The following KPNA1 variants were observed in gnomAD, a reference collection of about 807,000 sequenced individuals.
The protein encoded by KPNA1 is importin subunit alpha-5.
In KPNA1, 10 loss-of-function variants were observed where a neutral mutation model predicts 70.5. The observed-to-expected ratio is 0.14, with a 90% CI of 0.09 to 0.24. The LOEUF (loss-of-function observed/expected upper bound fraction) is 0.24, where lower values mean the gene tolerates loss of function less well. Ranked by LOEUF, KPNA1 falls within the 10% of genes least tolerant of loss-of-function variation. The probability of loss-of-function intolerance (pLI) is 1.00; values close to 1 mark genes in which losing one functional copy is unlikely to be tolerated. For missense variants in KPNA1, 397 were observed against 637.9 expected (o/e 0.62, Z 4.07); for synonymous variants, 192 against 221.9 (o/e 0.87, Z 1.20).
rs949774975 is a variant in KPNA1, at chr3:122,514,761, C to G, written c.-10G>C. 1 of 152,480 alleles carries G rather than the reference C, an allele frequency of 6.6e-6. No individual in the cohort carries two copies. Among genetic ancestry groups the G allele is most frequent in the Non-Finnish European group, 1.5e-5 (1 of 68,374 alleles). The allele number at this position is 152,480 out of a possible 1,614,324, so 9.4% of individuals were successfully genotyped here. A position where few individuals can be genotyped will look rare whatever the true frequency, so the allele number is the denominator to read the frequency against. ...CCGCAAGGCCCCAGCACTCACCAGG[C>G]TCAAGGCAACCGATCCCGGTGCCAC... On this transcript the variant is annotated 5_prime_UTR_variant, in exon 1 of 14. Transcript: ENST00000344337.
intron 2 of KPNA1, among the ~76,000 whole-genome samples, 153 bp from the exon 3 acceptor site, chr3:122,467,582 C>G (rs190187918): frequency 1.3e-5 from 2 of 152,162 alleles, no homozygotes; most frequent in African/African-American, 4.8e-5. Context: ...GTAACCATTT[C>G]AGATTTCTCC....
chr3:122,500,442 T>C (rs925411500), intron 1 of KPNA1, among the ~76,000 whole-genome samples: 2 of 152,032 alleles, frequency 1.3e-5, no homozygotes, highest in African/African-American at 4.8e-5. Context: ...ACAGTATTTC[T>C]TTATAACCTT....
At chr3:122,478,520 A>T (rs28653130) in intron 2 of KPNA1, among the ~76,000 whole-genome samples, 1 of 151,314 alleles carries the variant, frequency 6.6e-6, no homozygotes, top group East Asian at 1.9e-4. Context: ...GGAGTTCAAG[A>T]CCACCAGCCT....
At chr3:122,443,736 G>T (rs2076097014) in intron 9 of KPNA1, among the ~76,000 whole-genome samples, 1 of 152,134 alleles carries the variant, frequency 6.6e-6, no homozygotes, top group Non-Finnish European at 1.5e-5. Flanking sequence ...TTTCAAAGGG[G>T]AGGGAGTGTA....
At chr3:122,478,567 C>T (rs994404208) in intron 2 of KPNA1, among the ~76,000 whole-genome samples, 2 of 151,834 alleles carry the variant, frequency 1.3e-5, no homozygotes. Flanking sequence ...ACTAAAAATA[C>T]AAAAATTAGC....
chr3:122,421,963 G>GTAT lies in KPNA1; in HGVS notation c.*5019_*5021dup, dbSNP rs1483495927. 1 of 152,178 alleles carries GTAT rather than the reference G, an allele frequency of 6.6e-6. No individual in the cohort carries two copies. The highest frequency in any genetic ancestry group is 1.5e-5 in the Non-Finnish European group (1 of 68,042). The allele number at this position is 152,178 out of a possible 1,614,324, so 9.4% of individuals were successfully genotyped here. ...AGATGCATGCATATTCCTTCATTTAGTATTTATTGAATGTCTACTATGTGC... is the reference window on the plus strand; with the variant it reads ...AGATGCATGCATATTCCTTCATTTAGTATTATTTATTGAATGTCTACTATGTGC... On this transcript the variant is annotated 3_prime_UTR_variant, in exon 14 of 14. Coordinates refer to ENST00000344337, the MANE Select transcript of KPNA1 (RefSeq NM_002264.4).
chr3:122,452,207 C>A, intron 6 of KPNA1, 143 bp from the exon 7 acceptor site: 1 of 723,634 alleles, frequency 1.4e-6, no homozygotes, highest in African/African-American at 1.8e-5. Flanking sequence ...TAAATAATAT[C>A]CTAAAGTGTA....
intron 10 of KPNA1, 63 bp downstream of exon 10, chr3:122,441,975 C>T (rs997641646): frequency 2.8e-6 from 3 of 1,073,610 alleles, no homozygotes; most frequent in Non-Finnish European, 2.9e-6. Context: ...ATAATAGAAA[C>T]ATGATCATGA....
chr3:122,460,079 G>A lies in KPNA1; in HGVS notation c.432+1145C>T, dbSNP rs576120944. The A allele has an allele frequency of 5.3e-5, 52 of 985,370 alleles. No homozygotes were observed. The South Asian group carries it at 2.3e-3, about 43-fold the overall frequency. The allele number at this position is 985,370 out of a possible 1,614,324, so 61.0% of individuals were successfully genotyped here. A position where few individuals can be genotyped will look rare whatever the true frequency, so the allele number is the denominator to read the frequency against. ...TTACTTAGAAAGATAATCCCATTTTGTGATCAACTTGGTACCTAACCAATT... is the reference window on the plus strand; with the variant it reads ...TTACTTAGAAAGATAATCCCATTTTATGATCAACTTGGTACCTAACCAATT... On this transcript the variant is annotated intron_variant, in intron 5 of 13. Transcript: ENST00000344337.
At chr3:122,442,236 T>C in intron 9 of KPNA1, 120 bp from the exon 10 acceptor site, 2 of 709,550 alleles carry the variant, frequency 2.8e-6, no homozygotes, top group East Asian at 2.6e-5. Flanking sequence ...AATGTACCCA[T>C]GGGGCTAATT....
At chr3:122,459,179 G>A (rs1205051926) in intron 5 of KPNA1, among the ~76,000 whole-genome samples, 1 of 152,194 alleles carries the variant, frequency 6.6e-6, no homozygotes, top group Non-Finnish European at 1.5e-5. Context: ...GTCTTAGCCA[G>A]AAGAGGGCAC....
Position 122,427,037 on chromosome 3 carries a change from T to C in KPNA1, c.1565A>G (p.Gln522Arg). ...CTCACACTGTTGGAAGATGTACTGC[T>C]GCTGGTTAAGGTCAACCTGGGGTGC... Reference protein sequence around the residue: ...SIAPQVDLNQQQYIFQQCEAP... With the variant: ...SIAPQVDLNQRQYIFQQCEAP... Residue 522 changes from glutamine (Q) to arginine (R), a missense_variant, in exon 14 of 14, where the codon CAG (glutamine) becomes CGG (arginine). Physicochemically the swap from Gln to Arg is conservative, Grantham distance 43 (BLOSUM62 1). Transcript: ENST00000344337. 6.2e-7 allele frequency: 1 copy of C among 1,614,214 alleles called. No individual in the cohort carries two copies.
At chr3:122,469,617 T>C (rs1256394768) in intron 2 of KPNA1, among the ~76,000 whole-genome samples, 2 of 152,186 alleles carry the variant, frequency 1.3e-5, no homozygotes, top group Non-Finnish European at 2.9e-5. Context: ...ATCTTGTTAT[T>C]GGGCCATGAG....
At chr3:122,473,354 G>A (rs2107755075) in intron 2 of KPNA1, among the ~76,000 whole-genome samples, 1 of 152,308 alleles carries the variant, frequency 6.6e-6, no homozygotes. Flanking sequence ...GAAGCAGAAG[G>A]AATACTTCCT....
At chr3:122,439,119 C>T (rs1036334475) in intron 10 of KPNA1, among the ~76,000 whole-genome samples, 4 of 152,106 alleles carry the variant, frequency 2.6e-5, no homozygotes, top group Non-Finnish European at 5.9e-5. Flanking sequence ...TGACACTGCA[C>T]ATAAGCTAGA....
chr3:122,488,297 G>A (rs1049750901), intron 2 of KPNA1, among the ~76,000 whole-genome samples: 1 of 152,188 alleles, frequency 6.6e-6, no homozygotes, highest in Non-Finnish European at 1.5e-5. Flanking sequence ...AAGGCAGGAG[G>A]ATTGCTTGAG....
intron 2 of KPNA1, among the ~76,000 whole-genome samples, chr3:122,473,425 C>G (rs4434100): frequency 1 from 151,659 of 152,362 alleles, 75,484 homozygotes; most frequent in Middle Eastern, 1. Flanking sequence ...TACATTATAA[C>G]AAAACTACAG....
chr3:122,472,259 A>T (rs900922938), intron 2 of KPNA1, among the ~76,000 whole-genome samples: 2 of 152,218 alleles, frequency 1.3e-5, no homozygotes, highest in African/African-American at 2.4e-5. Context: ...AATAAAATTA[A>T]ATTACAAATC....
intron 11 of KPNA1, 66 bp downstream of exon 11, chr3:122,437,104 G>T: frequency 6.5e-7 from 1 of 1,534,314 alleles, no homozygotes; most frequent in South Asian, 1.2e-5. Flanking sequence ...TTTAAAGGGT[G>T]ACTGAGAAAA....
Sources: allele counts gnomAD v4.1 joint callset (sites outside exome capture counted in the v4.1 genomes callset), GRCh38; gene constraint gnomAD v4.1.1; transcripts MANE v1.5; gene names NCBI Gene and HGNC (gene_info 2026-07-23, HGNC 2026-07-21).